UBE2R2: variants seen among roughly 807,000 people sequenced by gnomAD.
The protein encoded by UBE2R2 is ubiquitin conjugating enzyme E2 R2, also known as ubiquitin-conjugating enzyme E2 R2.
Under a neutral mutation model 27.8 loss-of-function variants are expected in UBE2R2, and 1 was observed. The ratio of observed to expected loss-of-function variants is 0.04; its 90% confidence interval spans 0.01 to 0.17. The LOEUF is 0.17. Among genes scored for constraint, UBE2R2 ranks in the 10% least tolerant of loss-of-function variants. The pLI is 1.00. For synonymous variants in UBE2R2, 106 were observed against 113.3 expected, an observed-to-expected ratio of 0.94 and a Z score of 0.41; for missense variants, 100 against 291.0, an observed-to-expected ratio of 0.34 and a Z score of 4.78.
chr9:33,835,881 T>C (rs978155116), intron 1 of UBE2R2, among the ~76,000 whole-genome samples: 4 of 152,200 alleles, frequency 2.6e-5, no homozygotes, highest in Non-Finnish European at 5.9e-5. Flanking sequence ...AGACCCTTTC[T>C]CTAAAAAAGG....
chr9:33,883,928 C>T (rs1013739613), intron 1 of UBE2R2, among the ~76,000 whole-genome samples: 2 of 151,562 alleles, frequency 1.3e-5, no homozygotes, highest in African/African-American at 2.4e-5. Context: ...TTTGGGAGGC[C>T]GAGGCGTGGG....
At chr9:33,912,249 G>T (rs1440312048) in intron 4 of UBE2R2, 151 bp downstream of exon 4, 3 of 752,896 alleles carry the variant, frequency 4.0e-6, no homozygotes, top group Non-Finnish European at 6.2e-6. Context: ...TTCTGCCTGA[G>T]CCTAAAGAAC....
intron 4 of UBE2R2, among the ~76,000 whole-genome samples, chr9:33,913,047 A>G (rs547082413): frequency 3.9e-4 from 58 of 147,276 alleles, no homozygotes; most frequent in Non-Finnish European, 6.0e-4. Flanking sequence ...TGCAGCCTCT[A>G]TCTCCTGGGT....
intron 1 of UBE2R2, among the ~76,000 whole-genome samples, chr9:33,820,187 AAGG>A (rs1469626454): frequency 6.6e-6 from 1 of 152,238 alleles, no homozygotes; most frequent in African/African-American, 2.4e-5. Flanking sequence ...AAGTCTGGGA[AAGG>A]AGTGTGGAGA....
Position 33,817,859 on chromosome 9 carries a change from C to T in UBE2R2, c.102C>T (p.Asp34=). The change falls in exon 1 of 5, where the codon GAC becomes GAT. Residue 34 remains aspartate, a synonymous_variant. Coordinates refer to ENST00000263228, the MANE Select transcript of UBE2R2 (RefSeq NM_017811.4). ...PVEGFRITLV[D]ESDLYNWEVA... is the part of the protein sequence containing the mutation. Reference sequence around the variant, plus strand: ...AGGGCTTCCGGATCACCCTGGTGGACGAGTCCGACCTCTACAACTGGGAGG... The same window carrying T: ...AGGGCTTCCGGATCACCCTGGTGGATGAGTCCGACCTCTACAACTGGGAGG... The T allele has an allele frequency of 6.2e-7, 1 of 1,611,722 alleles. No homozygotes were observed. The highest frequency in any genetic ancestry group is 8.5e-7 in the Non-Finnish European group (1 of 1,178,738).
intron 1 of UBE2R2, among the ~76,000 whole-genome samples, chr9:33,873,174 T>TAAAAA (rs540364601): frequency 9.2e-6 from 1 of 109,182 alleles, no homozygotes; most frequent in Non-Finnish European, 1.8e-5. Context: ...GACTCCGTCT[T>TAAAAA]AAAAAAAAAA....
At chr9:33,906,061 C>T (rs1355711045) in intron 3 of UBE2R2, among the ~76,000 whole-genome samples, 1 of 152,260 alleles carries the variant, frequency 6.6e-6, no homozygotes, top group East Asian at 1.9e-4. Flanking sequence ...ATGATTATGG[C>T]GTGAAGTAAG....
At chr9:33,819,587 A>G (rs961834579) in intron 1 of UBE2R2, among the ~76,000 whole-genome samples, 6 of 152,108 alleles carry the variant, frequency 3.9e-5, no homozygotes, top group Non-Finnish European at 5.9e-5. Flanking sequence ...TCAAATATAA[A>G]TTTTTATGCA....
chr9:33,900,071 A>G, intron 2 of UBE2R2, 103 bp from the exon 3 acceptor site: 1 of 770,244 alleles, frequency 1.3e-6, no homozygotes, highest in Non-Finnish European at 2.1e-6. Context: ...TTCTCCTTTG[A>G]TGAAGAAACA....
chr9:33,869,652 G>T (rs946662710), intron 1 of UBE2R2, among the ~76,000 whole-genome samples: 1 of 151,856 alleles, frequency 6.6e-6, no homozygotes, highest in African/African-American at 2.4e-5. Flanking sequence ...TTTTCACCAT[G>T]TTGGCCAGGC....
rs1470751752 is a variant in UBE2R2, at chr9:33,900,343, T to C, written c.362+72T>C. 7 of 1,108,650 alleles carry C rather than the reference T, an allele frequency of 6.3e-6. No individual in the cohort carries two copies. The East Asian group carries it at 7.4e-5, about 12-fold the overall frequency. 68.7% of individuals were successfully genotyped at this position (1,108,650 alleles called of 1,614,324 possible). ...CTTTGCTCCTAGTAAAATAAAATTA[T>C]GTATTGTCTTTTAACATGTAAAAAA... On this transcript the variant is annotated intron_variant, in intron 3 of 4. Coordinates refer to ENST00000263228, the MANE Select transcript of UBE2R2 (RefSeq NM_017811.4).
chr9:33,883,232 TTCTC>T (rs1194244182), intron 1 of UBE2R2, among the ~76,000 whole-genome samples: 2 of 152,208 alleles, frequency 1.3e-5, no homozygotes, highest in African/African-American at 2.4e-5. Flanking sequence ...ATTTTATAGT[TTCTC>T]TCTTATCTTA....
chr9:33,853,022 AAATTGT>A (rs56155141), intron 1 of UBE2R2, among the ~76,000 whole-genome samples: 27,517 of 151,912 alleles, frequency 0.18, 2,760 homozygotes, highest in South Asian at 0.33. Flanking sequence ...AAATAAATGA[AAATTGT>A]AATTAATTTT....
At chr9:33,834,136 G>A (rs1293787461) in intron 1 of UBE2R2, among the ~76,000 whole-genome samples, 1 of 151,784 alleles carries the variant, frequency 6.6e-6, no homozygotes, top group Non-Finnish European at 1.5e-5. Context: ...AGTTACTTTA[G>A]ACAATTCCTA....
chr9:33,884,198 A>C (rs1479376770), intron 1 of UBE2R2, among the ~76,000 whole-genome samples: 51 of 63,462 alleles, frequency 8.0e-4, no homozygotes, highest in Non-Finnish European at 1.1e-3. Context: ...CAACTTAAGA[A>C]TCTCTCTCTC....
chr9:33,815,574 G>A (rs1272073179), upstream of UBE2R2, among the ~76,000 whole-genome samples: 13 of 152,108 alleles, frequency 8.5e-5, no homozygotes, highest in African/African-American at 2.2e-4. Flanking sequence ...GTGAAATCCC[G>A]TCTCTACTAA....
At chr9:33,849,176 G>C (rs1563987600) in intron 1 of UBE2R2, among the ~76,000 whole-genome samples, 2 of 152,070 alleles carry the variant, frequency 1.3e-5, no homozygotes, top group Non-Finnish European at 2.9e-5. Context: ...AGAATCTCTT[G>C]AACCTGGGAG....
intron 1 of UBE2R2, among the ~76,000 whole-genome samples, chr9:33,828,921 G>C (rs1820379751): frequency 6.6e-6 from 1 of 152,174 alleles, no homozygotes; most frequent in African/African-American, 2.4e-5. Context: ...TTTCAGTAGA[G>C]ATGGGGTTTC....
At chr9:33,824,571 G>A (rs1425194442) in intron 1 of UBE2R2, among the ~76,000 whole-genome samples, 1 of 151,730 alleles carries the variant, frequency 6.6e-6, no homozygotes, top group African/African-American at 2.4e-5. Context: ...CCCGGGAGGC[G>A]GAGCTTGCAG....
Sources: allele counts gnomAD v4.1 joint callset (sites outside exome capture counted in the v4.1 genomes callset), GRCh38; gene constraint gnomAD v4.1.1; transcripts MANE v1.5; gene names NCBI Gene and HGNC (gene_info 2026-07-23, HGNC 2026-07-21).